Variants in EGFLAM observed in about 807,000 individuals in gnomAD.
EGFLAM encodes the protein pikachurin.
EGFLAM carries 79 observed loss-of-function variants against 113.1 expected under a neutral mutation model. That is an observed-to-expected ratio of 0.70 (90% CI 0.58 to 0.84). The LOEUF (loss-of-function observed/expected upper bound fraction) is 0.84. EGFLAM is among the 40% of genes least tolerant of loss of function. The pLI is 0.00. For missense variants in EGFLAM, 1,265 were observed against 1,291.6 expected (o/e 0.98, Z 0.32); for synonymous variants, 504 against 487.6 (o/e 1.03, Z -0.44).
At chr5:38,324,043 CA>C (rs34351121) in intron 1 of EGFLAM, among the ~76,000 whole-genome samples, 21,628 of 92,836 alleles carry the variant, frequency 0.23, 1,555 homozygotes, top group African/African-American at 0.3. Context: ...CCATCTCAAA[CA>C]AAAAAAAAAA....
intron 3 of EGFLAM, 53 bp downstream of exon 3, chr5:38,338,834 G>C: frequency 6.7e-7 from 1 of 1,483,448 alleles, no homozygotes; most frequent in South Asian, 1.1e-5. Context: ...CACTATTCGG[G>C]CGGATTGCTG....
Position 38,407,107 on chromosome 5 carries a change from C to G in EGFLAM, c.1108C>G (p.Gln370Glu). The stretch of plus-strand genomic sequence containing the variant: ...CTACACCTGGGGGGGCTCGCGATGC[C>G]AGTGCACCCTGGGCAAAGGTGGTGA... ...NDYTWGGSRC[Q>E]CTLGKGGESC... Residue 370 changes from glutamine to glutamate, a missense_variant, in exon 8 of 22, where the codon CAG (glutamine) becomes GAG (glutamate). Transcript: ENST00000322350. The G allele has an allele frequency of 6.2e-7, 1 of 1,614,054 alleles. No individual in the cohort carries two copies. The highest frequency in any genetic ancestry group is 8.5e-7 in the Non-Finnish European group (1 of 1,180,028).
chr5:38,325,028 G>A (rs116440950), intron 1 of EGFLAM, among the ~76,000 whole-genome samples: 1,569 of 152,296 alleles, frequency 0.01, 30 homozygotes, highest in African/African-American at 0.034. Context: ...GGTCCACCTG[G>A]CAGTTGGGTA....
chr5:38,332,285 T>C (rs768573376), intron 1 of EGFLAM, among the ~76,000 whole-genome samples: 1 of 152,202 alleles, frequency 6.6e-6, no homozygotes, highest in African/African-American at 2.4e-5. Context: ...TTGTTTTCTT[T>C]TTTTATTTTT....
intron 1 of EGFLAM, among the ~76,000 whole-genome samples, chr5:38,331,687 G>T (rs1181971896): frequency 1.3e-5 from 2 of 151,948 alleles, no homozygotes; most frequent in East Asian, 3.9e-4. Context: ...GTTAGAATAG[G>T]CCTCTTCACT....
chr5:38,284,733 G>A (rs535114086), intron 1 of EGFLAM, among the ~76,000 whole-genome samples: 1 of 152,326 alleles, frequency 6.6e-6, no homozygotes, highest in Admixed American at 6.5e-5. Flanking sequence ...TGTTGTAATG[G>A]TTGAAATGTA....
At chr5:38,327,339 T>C (rs75604363) in intron 1 of EGFLAM, among the ~76,000 whole-genome samples, 2,726 of 152,310 alleles carry the variant, frequency 0.018, 25 homozygotes, top group Non-Finnish European at 0.029. Context: ...TTTTGATCTT[T>C]GGATGTAAAA....
chr5:38,318,056 G>A (rs916292000), intron 1 of EGFLAM, among the ~76,000 whole-genome samples: 1 of 152,118 alleles, frequency 6.6e-6, no homozygotes, highest in Non-Finnish European at 1.5e-5. Context: ...AAGATACCAG[G>A]TTTCTGTTAT....
intron 5 of EGFLAM, among the ~76,000 whole-genome samples, chr5:38,368,300 A>G (rs1037625391): frequency 6.6e-6 from 1 of 152,224 alleles, no homozygotes; most frequent in Admixed American, 6.5e-5. Context: ...GTTAGTTTAC[A>G]TGAGAATTCC....
chr5:38,260,290 C>T (rs536407793), intron 1 of EGFLAM, among the ~76,000 whole-genome samples: 6 of 152,304 alleles, frequency 3.9e-5, no homozygotes, highest in Admixed American at 3.9e-4. Flanking sequence ...TATTAATTGT[C>T]ACAATTTTTA....
intron 19 of EGFLAM, among the ~76,000 whole-genome samples, chr5:38,457,507 C>G (rs931010709): frequency 6.6e-6 from 1 of 152,178 alleles, no homozygotes; most frequent in African/African-American, 2.4e-5. Flanking sequence ...CATGGCTTTC[C>G]CTGTCTCTGT....
chr5:38,395,072 C>T (rs1236162072), intron 6 of EGFLAM, among the ~76,000 whole-genome samples: 3 of 152,034 alleles, frequency 2.0e-5, no homozygotes, highest in Non-Finnish European at 4.4e-5. Context: ...TCCTGAGTAG[C>T]TGGGATTACA....
At chr5:38,405,979 C>T (rs549891434) in intron 6 of EGFLAM, 147 bp from the exon 7 acceptor site, 10 of 684,612 alleles carry the variant, frequency 1.5e-5, no homozygotes, top group Admixed American at 4.7e-5. Flanking sequence ...TGGTCATTGA[C>T]GCTTCCTTTT....
At chr5:38,403,940 A>G (rs1741196750) in intron 6 of EGFLAM, 6 of 1,613,038 alleles carry the variant, frequency 3.7e-6, no homozygotes, top group Non-Finnish European at 5.1e-6. Context: ...CAGGTGGACT[A>G]CTTTAAATAA....
intron 17 of EGFLAM, chr5:38,445,739 G>A: frequency 5.0e-6 from 8 of 1,594,988 alleles, no homozygotes; most frequent in South Asian, 1.1e-5. Context: ...CTGCGAGAGC[G>A]CTCTGGGCTG....
At chr5:38,289,297 G>C (rs1381268253) in intron 1 of EGFLAM, among the ~76,000 whole-genome samples, 1 of 148,824 alleles carries the variant, frequency 6.7e-6, no homozygotes, top group Non-Finnish European at 1.5e-5. Context: ...CAGTTTCCAG[G>C]TCTTATTTCA....
At chr5:38,343,816 A>G (rs535997579) in intron 3 of EGFLAM, among the ~76,000 whole-genome samples, 5 of 152,332 alleles carry the variant, frequency 3.3e-5, no homozygotes, top group African/African-American at 1.2e-4. Context: ...GTGAGGTTGA[A>G]TCCAAGTTTA....
chr5:38,332,029 T>C (rs1739056194), intron 1 of EGFLAM, among the ~76,000 whole-genome samples: 1 of 152,214 alleles, frequency 6.6e-6, no homozygotes, highest in Non-Finnish European at 1.5e-5. Context: ...CTGTACCATT[T>C]TGCATTCCCA....
rs762961737 is a variant in EGFLAM at position 38,370,307 on chromosome 5, A to T, written c.557A>T (p.Asp186Val). 2.5e-6 allele frequency: 4 copies of T among 1,613,622 alleles called. No individual in the cohort carries two copies. In the South Asian group the frequency reaches 4.4e-5, roughly 18 times the overall value. The change falls in exon 6 of 22, where the codon GAC (aspartate) becomes GTC (valine). Residue 186 changes from aspartate (D) to valine (V), a missense_variant. Asp to Val is a radical substitution (Grantham distance 152). Coordinates refer to ENST00000322350, the MANE Select transcript of EGFLAM (RefSeq NM_152403.4). Reference sequence around the variant, plus strand: ...TCTAATCAATAAAGGCCAGATTTCGACAAGAAGTGGACCTCAATCCATGAG... The same window carrying T: ...TCTAATCAATAAAGGCCAGATTTCGTCAAGAAGTGGACCTCAATCCATGAG... ...YSVEFIRPDF[D>V]KKWTSIHERI...
Sources: allele counts gnomAD v4.1 joint callset (sites outside exome capture counted in the v4.1 genomes callset), GRCh38; gene constraint gnomAD v4.1.1; transcripts MANE v1.5; gene names NCBI Gene and HGNC (gene_info 2026-07-23, HGNC 2026-07-21).